TECRL: variants seen among roughly 807,000 people sequenced by gnomAD.
TECRL encodes the protein trans-2,3-enoyl-CoA reductase-like.
A neutral mutation model predicts 52.8 loss-of-function variants in TECRL; 63 were observed. That is an observed-to-expected ratio of 1.19 (90% CI 0.97 to 1.47). The LOEUF (loss-of-function observed/expected upper bound fraction) is 1.47. TECRL is among the 40% of genes most tolerant of loss of function. TECRL has a pLI of 0.00. For synonymous variants in TECRL, 164 were observed against 141.9 expected, an observed-to-expected ratio of 1.16 and a Z score of -1.10; for missense variants, 482 against 429.6, an observed-to-expected ratio of 1.12 and a Z score of -1.08.
At chr4:64,389,962 A>C (rs2109742846) in intron 1 of TECRL, among the ~76,000 whole-genome samples, 1 of 152,010 alleles carries the variant, frequency 6.6e-6, no homozygotes, top group Non-Finnish European at 1.5e-5. Flanking sequence ...CAGAAGAAGT[A>C]TGTCCATGTT....
intron 2 of TECRL, among the ~76,000 whole-genome samples, chr4:64,332,308 T>A (rs994279169): frequency 1.3e-5 from 2 of 152,190 alleles, no homozygotes; most frequent in Non-Finnish European, 2.9e-5. Flanking sequence ...AATCAATCAA[T>A]TCTTAAAGGA....
chr4:64,380,517 G>A (rs1254468378), intron 1 of TECRL, among the ~76,000 whole-genome samples: 7 of 151,874 alleles, frequency 4.6e-5, no homozygotes, highest in Non-Finnish European at 2.9e-5. Context: ...TTTTCTTTTA[G>A]CAGTTTATGG....
At position 64,278,523 on chromosome 4, in the gene TECRL, A is replaced by G. The variant is rs1013498777; in HGVS notation, c.*1549T>C. On this transcript the variant is annotated 3_prime_UTR_variant, in exon 12 of 12. Coordinates refer to ENST00000381210, the MANE Select transcript of TECRL (RefSeq NM_001010874.5). ...AATTGAACATATTTGGGAGATACAT[A>G]ATAATGTTTCAATACATATAATTTA... 4.0e-5 allele frequency: 8 copies of G among 199,390 alleles called. No individual in the cohort carries two copies. The highest frequency in any genetic ancestry group is 6.5e-5 in the Admixed American group (1 of 15,304). 12.4% of individuals were successfully genotyped at this position (199,390 alleles called of 1,614,324 possible).
intron 5 of TECRL, among the ~76,000 whole-genome samples, chr4:64,311,663 A>G (rs1408224939): frequency 6.6e-6 from 1 of 152,134 alleles, no homozygotes; most frequent in East Asian, 1.9e-4. Flanking sequence ...ACAGCTAGAG[A>G]CTTAGTTTAT....
chr4:64,355,748 C>G (rs1337148319), intron 2 of TECRL, among the ~76,000 whole-genome samples: 7 of 148,340 alleles, frequency 4.7e-5, no homozygotes, highest in Non-Finnish European at 7.4e-5. Flanking sequence ...TGAGCCGAGA[C>G]TGCACTACTG....
intron 7 of TECRL, among the ~76,000 whole-genome samples, chr4:64,304,252 G>A (rs1724196552): frequency 6.6e-6 from 1 of 151,712 alleles, no homozygotes; most frequent in Non-Finnish European, 1.5e-5. Flanking sequence ...AGAAGATATA[G>A]GAAATTTTCA....
chr4:64,336,892 T>C (rs1381992181), intron 2 of TECRL, among the ~76,000 whole-genome samples: 2 of 152,194 alleles, frequency 1.3e-5, no homozygotes, highest in Non-Finnish European at 2.9e-5. Context: ...ATAATTTCTG[T>C]TCTTTTACAT....
chr4:64,286,546 A>C (rs991795264), intron 9 of TECRL, among the ~76,000 whole-genome samples: 13 of 150,728 alleles, frequency 8.6e-5, no homozygotes, highest in Admixed American at 5.3e-4. Flanking sequence ...AAAAAAAAAA[A>C]CATGGATTAA....
intron 1 of TECRL, among the ~76,000 whole-genome samples, chr4:64,405,336 T>C (rs1043734985): frequency 2.0e-5 from 3 of 152,100 alleles, no homozygotes; most frequent in African/African-American, 7.2e-5. Context: ...GGAGGAAGAT[T>C]CAGGAGTGCT....
intron 8 of TECRL, among the ~76,000 whole-genome samples, chr4:64,292,546 CATT>C (rs1723449727): frequency 6.6e-6 from 1 of 151,954 alleles, no homozygotes; most frequent in South Asian, 2.1e-4. Flanking sequence ...CATTTTCCTA[CATT>C]ATTATAGTAT....
chr4:64,391,192 A>T (rs1268952844), intron 1 of TECRL, among the ~76,000 whole-genome samples: 1 of 151,872 alleles, frequency 6.6e-6, no homozygotes, highest in Non-Finnish European at 1.5e-5. Context: ...TTCTAAAAAA[A>T]GTTTGATGAT....
chr4:64,357,330 CAAAAT>C (rs1720841085), intron 2 of TECRL, among the ~76,000 whole-genome samples: 1 of 151,374 alleles, frequency 6.6e-6, no homozygotes, highest in Non-Finnish European at 1.5e-5. Flanking sequence ...ATAATACTGA[CAAAAT>C]AATACAGTCC....
intron 1 of TECRL, among the ~76,000 whole-genome samples, chr4:64,390,188 A>T (rs1457758040): frequency 1.3e-5 from 2 of 151,944 alleles, no homozygotes; most frequent in African/African-American, 2.4e-5. Context: ...TAAAAAATTG[A>T]GGCTCCTTAC....
At chr4:64,400,672 T>A (rs542654920) in intron 1 of TECRL, among the ~76,000 whole-genome samples, 15 of 152,074 alleles carry the variant, frequency 9.9e-5, no homozygotes, top group Non-Finnish European at 1.9e-4. Context: ...CTCTTCATAG[T>A]GAGTGAGTTC....
intron 9 of TECRL, 39 bp from the exon 10 acceptor site, chr4:64,281,598 A>G: frequency 9.0e-7 from 1 of 1,110,060 alleles, no homozygotes; most frequent in Non-Finnish European, 1.3e-6. Context: ...GATGCTACAC[A>G]TTGCAAATCT....
chr4:64,407,306 A>G (rs1324100001), intron 1 of TECRL, among the ~76,000 whole-genome samples: 1 of 152,100 alleles, frequency 6.6e-6, no homozygotes, highest in African/African-American at 2.4e-5. Flanking sequence ...TCCCATGCAA[A>G]ATTGCAAAAT....
chr4:64,294,611 A>C (rs1723577800), intron 8 of TECRL, among the ~76,000 whole-genome samples: 1 of 152,136 alleles, frequency 6.6e-6, no homozygotes, highest in Non-Finnish European at 1.5e-5. Context: ...ACAAAAAAAA[A>C]GTGTCTGATG....
chr4:64,283,380 G>A (rs774459320), intron 9 of TECRL, among the ~76,000 whole-genome samples: 1 of 152,054 alleles, frequency 6.6e-6, no homozygotes, highest in African/African-American at 2.4e-5. Context: ...GCATTTTAGA[G>A]TTGAATGACT....
At chr4:64,315,442 TG>T (rs1373889915) in intron 4 of TECRL, among the ~76,000 whole-genome samples, 17 of 152,124 alleles carry the variant, frequency 1.1e-4, no homozygotes, top group African/African-American at 4.1e-4. Context: ...GGTCTAAATT[TG>T]ATAGCTGTTT....
Sources: allele counts gnomAD v4.1 joint callset (sites outside exome capture counted in the v4.1 genomes callset), GRCh38; gene constraint gnomAD v4.1.1; transcripts MANE v1.5; gene names NCBI Gene and HGNC (gene_info 2026-07-23, HGNC 2026-07-21).